MSRA: variants seen among roughly 807,000 people sequenced by gnomAD.
MSRA encodes mitochondrial peptide methionine sulfoxide reductase.
In MSRA, 54 loss-of-function variants were observed where a neutral mutation model predicts 31.3. The observed-to-expected ratio is 1.73, with a 90% confidence interval of 1.39 to 2.17. The LOEUF (loss-of-function observed/expected upper bound fraction) is 2.17, where lower values mean the gene tolerates loss of function less well. Ranked by LOEUF, MSRA falls within the 30% of genes most tolerant of loss-of-function variation. The pLI is 0.00. For missense variants in MSRA, 507 were observed against 300.9 expected (o/e 1.69, Z -5.07); for synonymous variants, 169 against 116.5 (o/e 1.45, Z -2.90).
chr8:10,382,796 C>G (rs1270304956), intron 5 of MSRA, among the ~76,000 whole-genome samples: 1 of 152,156 alleles, frequency 6.6e-6, no homozygotes, highest in Non-Finnish European at 1.5e-5. Context: ...GGAAGAGGTC[C>G]CACTCTGCCA....
intron 3 of MSRA, among the ~76,000 whole-genome samples, chr8:10,275,704 A>G (rs969990792): frequency 1.3e-5 from 2 of 152,196 alleles, no homozygotes; most frequent in African/African-American, 2.4e-5. Flanking sequence ...AGGAGATGCC[A>G]TGAGAAACTT....
intron 1 of MSRA, among the ~76,000 whole-genome samples, chr8:10,132,196 A>T (rs777781704): frequency 2.6e-5 from 4 of 152,122 alleles, no homozygotes; most frequent in Non-Finnish European, 4.4e-5. Context: ...TAAATTGGAG[A>T]TTTTGCCCGA....
intron 5 of MSRA, among the ~76,000 whole-genome samples, chr8:10,348,906 C>T (rs1803957143): frequency 6.6e-6 from 1 of 152,022 alleles, no homozygotes; most frequent in African/African-American, 2.4e-5. Context: ...AAGAGGGAAA[C>T]AGCCTCCCTG....
At chr8:10,227,418 CT>C (rs911744785) in intron 2 of MSRA, among the ~76,000 whole-genome samples, 2 of 152,088 alleles carry the variant, frequency 1.3e-5, no homozygotes, top group African/African-American at 4.8e-5. Flanking sequence ...GTAATTTGAG[CT>C]TTGACTGAAC....
chr8:10,294,753 G>GC (rs1010435175), intron 3 of MSRA, among the ~76,000 whole-genome samples: 13 of 151,888 alleles, frequency 8.6e-5, no homozygotes, highest in African/African-American at 3.1e-4. Context: ...CACTGGAGGG[G>GC]CACCCACTCA....
chr8:10,327,855 CCTGGGAGGCGGAG>C (rs1802453170), intron 5 of MSRA, among the ~76,000 whole-genome samples: 1 of 151,996 alleles, frequency 6.6e-6, no homozygotes, highest in Non-Finnish European at 1.5e-5. Context: ...ATGGCGTGAA[CCTGGGAGGCGGAG>C]CTTGCAGTGA....
chr8:10,109,073 C>T (rs989469359), intron 1 of MSRA, among the ~76,000 whole-genome samples: 10 of 152,210 alleles, frequency 6.6e-5, no homozygotes, highest in African/African-American at 2.4e-4. Flanking sequence ...TTCTGGCCAG[C>T]GCATTCCCTT....
chr8:10,057,721 G>A (rs530514274), intron 1 of MSRA, among the ~76,000 whole-genome samples: 2 of 152,206 alleles, frequency 1.3e-5, no homozygotes, highest in African/African-American at 2.4e-5. Flanking sequence ...GCCCCTTTGC[G>A]CTCTCTCGTT....
intron 5 of MSRA, among the ~76,000 whole-genome samples, chr8:10,324,967 A>G (rs967208798): frequency 6.6e-6 from 1 of 152,220 alleles, no homozygotes; most frequent in Non-Finnish European, 1.5e-5. Flanking sequence ...CAAGAGGCAC[A>G]TGGCGTTGAG....
At chr8:10,362,185 G>C (rs1215558046) in intron 5 of MSRA, among the ~76,000 whole-genome samples, 3 of 152,126 alleles carry the variant, frequency 2.0e-5, no homozygotes, top group African/African-American at 7.2e-5. Flanking sequence ...CCACTGAGTT[G>C]CAGCAGTATT....
chr8:10,090,181 C>A (rs962382102), intron 1 of MSRA, among the ~76,000 whole-genome samples: 2 of 152,142 alleles, frequency 1.3e-5, no homozygotes, highest in African/African-American at 4.8e-5. Flanking sequence ...TTTGAATTCC[C>A]TAGGGCCTGG....
chr8:10,276,990 T>C (rs914570635), intron 3 of MSRA, among the ~76,000 whole-genome samples: 3 of 152,186 alleles, frequency 2.0e-5, no homozygotes, highest in African/African-American at 7.2e-5. Context: ...CTCTGTGTAA[T>C]TGAATGTGTA....
At position 10,344,238 on chromosome 8, in the gene MSRA, A is replaced by T. The variant is rs1459214033; in HGVS notation, c.543+24249A>T. 2.0e-5 allele frequency among the ~76,000 whole-genome samples: 3 copies of T among 152,126 alleles called. No homozygotes were observed. In the East Asian group the frequency reaches 5.8e-4, roughly 29 times the overall value. On this transcript the variant is annotated intron_variant, in intron 5 of 5. Transcript: ENST00000317173. ...TGACTCTCTGGTCTTCCTTCACCCCATCTGTACGGTGATCTCTCAGCAGCT... is the reference window on the plus strand; with the variant it reads ...TGACTCTCTGGTCTTCCTTCACCCCTTCTGTACGGTGATCTCTCAGCAGCT...
chr8:10,114,947 A>G (rs1378459846), intron 1 of MSRA, among the ~76,000 whole-genome samples: 1 of 152,216 alleles, frequency 6.6e-6, no homozygotes, highest in Non-Finnish European at 1.5e-5. Flanking sequence ...ATTTGGGGGA[A>G]AAACAATAAC....
At chr8:10,395,067 A>G (rs73197263) in intron 5 of MSRA, among the ~76,000 whole-genome samples, 1 of 152,146 alleles carries the variant, frequency 6.6e-6, no homozygotes, top group African/African-American at 2.4e-5. Context: ...GCCAACACAC[A>G]CAGTCACCTG....
At chr8:10,060,841 A>G (rs1415130891) in intron 1 of MSRA, among the ~76,000 whole-genome samples, 1 of 152,354 alleles carries the variant, frequency 6.6e-6, no homozygotes, top group East Asian at 1.9e-4. Context: ...TCATTTATAC[A>G]AAGAACAGAT....
rs538129298 is a variant in MSRA at position 10,095,728 on chromosome 8, A to C, written c.142+41070A>C. 282 of 1,089,050 alleles carry C rather than the reference A, an allele frequency of 2.6e-4. No individual in the cohort carries two copies. The African/African-American group carries it at 3.8e-3, about 15-fold the overall frequency. The allele number at this position is 1,089,050 out of a possible 1,614,324, so 67.5% of individuals were successfully genotyped here. A position where few individuals can be genotyped will look rare whatever the true frequency, so the allele number is the denominator to read the frequency against. On this transcript the variant is annotated intron_variant, in intron 1 of 5. Transcript: ENST00000317173. ...AAAACTCAGAACTTTTTGGTTTTCA[A>C]ACTTAGAAGGCTTTTTAAGTCTCTT...
At chr8:10,266,168 A>C (rs1403646673) in intron 3 of MSRA, among the ~76,000 whole-genome samples, 3 of 152,194 alleles carry the variant, frequency 2.0e-5, no homozygotes, top group Non-Finnish European at 4.4e-5. Flanking sequence ...AGAAATTTCC[A>C]AACTGTTTTC....
At chr8:10,123,089 C>T (rs1237151697) in intron 1 of MSRA, among the ~76,000 whole-genome samples, 1 of 152,198 alleles carries the variant, frequency 6.6e-6, no homozygotes, top group East Asian at 1.9e-4. Context: ...CTGTTTTTAG[C>T]TCTTCGAGGA....
Sources: allele counts gnomAD v4.1 joint callset (sites outside exome capture counted in the v4.1 genomes callset), GRCh38; gene constraint gnomAD v4.1.1; transcripts MANE v1.5; gene names NCBI Gene and HGNC (gene_info 2026-07-23, HGNC 2026-07-21).